Variants in OCA2 observed in about 807,000 individuals in gnomAD.
OCA2 encodes OCA2 melanosomal transmembrane protein.
In OCA2, 77 loss-of-function variants were observed where a neutral mutation model predicts 100.2. That is an observed-to-expected ratio of 0.77 (90% CI 0.64 to 0.93). The LOEUF (loss-of-function observed/expected upper bound fraction) is 0.93, where lower values mean the gene tolerates loss of function less well. OCA2 is among the 40% of genes least tolerant of loss of function. The probability of loss-of-function intolerance (pLI) is 0.00; values close to 1 mark genes in which losing one functional copy is unlikely to be tolerated. For synonymous variants in OCA2, 432 were observed against 439.2 expected, an observed-to-expected ratio of 0.98 and a Z score of 0.21; for missense variants, 1,062 against 1,089.1, an observed-to-expected ratio of 0.98 and a Z score of 0.35.
chr15:27,991,006 T>C (rs2041539615), intron 9 of OCA2, among the ~76,000 whole-genome samples: 1 of 152,186 alleles, frequency 6.6e-6, no homozygotes, highest in South Asian at 2.1e-4. Flanking sequence ...AATCAATTCC[T>C]CCCAATTACT....
intron 9 of OCA2, among the ~76,000 whole-genome samples, chr15:28,009,389 A>G (rs150582589): frequency 0.014 from 2,047 of 150,604 alleles, 43 homozygotes; most frequent in African/African-American, 0.049. Context: ...TGAGTCATTT[A>G]AAAAAAAGTC....
At chr15:27,752,817 A>G (rs1433293969), downstream of OCA2, among the ~76,000 whole-genome samples, 1 of 25,028 alleles carries the variant, frequency 4.0e-5, no homozygotes, top group African/African-American at 1.8e-4. Context: ...CCCCCCCCCC[A>G]GAGGCCCACA....
intron 19 of OCA2, among the ~76,000 whole-genome samples, chr15:27,895,404 T>TG (rs2037645041): frequency 6.6e-6 from 1 of 152,156 alleles, no homozygotes. Context: ...CAGAAGAATG[T>TG]GGGGAAGTGT....
chr15:27,961,841 T>C (rs2040421049), intron 15 of OCA2, among the ~76,000 whole-genome samples: 1 of 152,090 alleles, frequency 6.6e-6, no homozygotes, highest in South Asian at 2.1e-4. Context: ...GAGAAATACC[T>C]AGTGCAGATG....
intron 23 of OCA2, among the ~76,000 whole-genome samples, chr15:27,791,657 C>T (rs372227276): frequency 5.3e-5 from 8 of 152,132 alleles, no homozygotes; most frequent in Non-Finnish European, 7.3e-5. Flanking sequence ...TATAATAAGA[C>T]GCAAAATATA....
chr15:27,980,109 A>G (rs913294465), intron 14 of OCA2, among the ~76,000 whole-genome samples: 1 of 151,866 alleles, frequency 6.6e-6, no homozygotes, highest in African/African-American at 2.4e-5. Context: ...TTAAACAATT[A>G]TCTCAAAGTG....
chr15:28,056,637 T>A (rs1317162245), intron 2 of OCA2, among the ~76,000 whole-genome samples: 1 of 152,248 alleles, frequency 6.6e-6, no homozygotes, highest in Non-Finnish European at 1.5e-5. Context: ...GCAGTGGACA[T>A]GTGTGTGTGG....
At chr15:27,771,972 C>T (rs2031902846) in intron 23 of OCA2, among the ~76,000 whole-genome samples, 1 of 152,168 alleles carries the variant, frequency 6.6e-6, no homozygotes, top group South Asian at 2.1e-4. Context: ...TATTACTTTT[C>T]CTCAATTTGA....
At chr15:27,919,150 T>C (rs370816942) in intron 19 of OCA2, among the ~76,000 whole-genome samples, 2 of 152,142 alleles carry the variant, frequency 1.3e-5, no homozygotes, top group East Asian at 1.9e-4. Context: ...TATTGGGTAG[T>C]AAAGACACAC....
At chr15:27,732,942 T>G in the OCA2 span, among the ~76,000 whole-genome samples, 3 of 152,204 alleles carry the variant, frequency 2.0e-5, no homozygotes, top group African/African-American at 7.2e-5. Context: ...ACATCCTTCT[T>G]CATCTGTCCA....
intron 23 of OCA2, among the ~76,000 whole-genome samples, chr15:27,842,966 C>A (rs988394548): frequency 1.8e-4 from 27 of 152,204 alleles, no homozygotes; most frequent in Non-Finnish European, 3.1e-4. Context: ...GGACGCAAAC[C>A]CTTTCAGTTG....
chr15:27,992,829 G>A (rs1241820034), intron 9 of OCA2, among the ~76,000 whole-genome samples: 1 of 152,154 alleles, frequency 6.6e-6, no homozygotes, highest in African/African-American at 2.4e-5. Flanking sequence ...TTCCAGTAAA[G>A]AGCAAAGAGC....
chr15:27,845,924 C>T (rs976641730), intron 22 of OCA2, among the ~76,000 whole-genome samples: 2 of 152,184 alleles, frequency 1.3e-5, no homozygotes, highest in Non-Finnish European at 2.9e-5. Context: ...GGCTGGACAA[C>T]ATGAATAACA....
At chr15:27,778,867 C>G (rs1436480277) in intron 23 of OCA2, among the ~76,000 whole-genome samples, 1 of 152,210 alleles carries the variant, frequency 6.6e-6, no homozygotes, top group Non-Finnish European at 1.5e-5. Flanking sequence ...AGAAAGAAAA[C>G]ATGCAGGAAT....
intron 23 of OCA2, among the ~76,000 whole-genome samples, chr15:27,785,803 T>C (rs763863572): frequency 2.6e-5 from 4 of 152,208 alleles, no homozygotes; most frequent in Non-Finnish European, 4.4e-5. Flanking sequence ...ATGTTCCTTA[T>C]GGCATTATTC....
chr15:27,912,541 AC>A (rs1220323390), intron 19 of OCA2, among the ~76,000 whole-genome samples: 1 of 152,116 alleles, frequency 6.6e-6, no homozygotes, highest in Non-Finnish European at 1.5e-5. Flanking sequence ...GTACCGACTT[AC>A]AACACATAGA....
intron 23 of OCA2, among the ~76,000 whole-genome samples, chr15:27,807,651 G>T (rs567582038): frequency 6.6e-6 from 1 of 152,082 alleles, no homozygotes. Context: ...TTGCACAGCT[G>T]TGGATTTATT....
chr15:27,771,718 G>A (rs2031882460), intron 23 of OCA2, among the ~76,000 whole-genome samples: 1 of 152,068 alleles, frequency 6.6e-6, no homozygotes, highest in East Asian at 1.9e-4. Flanking sequence ...GCATGTAATC[G>A]TCTGACTTTA....
At chr15:27,736,324 GAACA>G in the OCA2 span, among the ~76,000 whole-genome samples, 70,047 of 151,592 alleles carry the variant, frequency 0.46, 17,062 homozygotes, top group Non-Finnish European at 0.54. Flanking sequence ...TTTTTGTTGA[GAACA>G]AACAGATTAC....
Sources: allele counts gnomAD v4.1 joint callset (sites outside exome capture counted in the v4.1 genomes callset), GRCh38; gene constraint gnomAD v4.1.1; transcripts MANE v1.5; gene names NCBI Gene and HGNC (gene_info 2026-07-23, HGNC 2026-07-21).